Variants in AHCY observed in about 807,000 individuals in gnomAD.
AHCY encodes the protein S-adenosyl-L-homocysteine hydrolase.
Under a neutral mutation model 45.4 loss-of-function variants are expected in AHCY, and 24 were observed. That is an observed-to-expected ratio of 0.53 (90% CI 0.38 to 0.74). The LOEUF (loss-of-function observed/expected upper bound fraction) is 0.74. AHCY is among the 30% of genes least tolerant of loss of function. AHCY has a pLI of 0.00. For missense variants in AHCY, 449 were observed against 594.1 expected (o/e 0.76, Z 2.54); for synonymous variants, 245 against 235.1 (o/e 1.04, Z -0.39).
At chr20:34,250,132 G>T in the AHCY span, 3 of 152,262 alleles carry the variant, frequency 2.0e-5, no homozygotes, top group Admixed American at 1.3e-4. Flanking sequence ...ATTGGTGCTT[G>T]GCAGGGCTGG....
upstream of AHCY, among the ~76,000 whole-genome samples, chr20:34,303,544 G>A (rs62210335): frequency 2.0e-4 from 31 of 152,200 alleles, no homozygotes; most frequent in Admixed American, 2.0e-4. Context: ...GCCGGGAGAG[G>A]CCTGAGAGCC....
intron 2 of AHCY, 117 bp from the exon 3 acceptor site, chr20:34,294,273 A>G: frequency 1.1e-6 from 1 of 908,928 alleles, no homozygotes; most frequent in South Asian, 1.4e-5. Flanking sequence ...ATCTAGGCAC[A>G]GCAAGCTCTA....
rs766568837 is a variant in AHCY at position 34,285,481 on chromosome 20, G to C, written c.1126C>G (p.Pro376Ala). 8.7e-6 allele frequency: 14 copies of C among 1,614,082 alleles called. No homozygotes were observed. The highest frequency in any genetic ancestry group is 1.1e-5 in the Non-Finnish European group (13 of 1,179,944). Residue 376 changes from proline to alanine, a missense_variant, in exon 9 of 10, where the codon CCA (proline) becomes GCA (alanine). Pro to Ala is a conservative substitution (Grantham distance 27, BLOSUM62 -1). Coordinates refer to ENST00000217426, the MANE Select transcript of AHCY (RefSeq NM_000687.4). Reference protein sequence around the residue: ...VMAQIELWTHPDKYPVGVHFL... With the variant: ...VMAQIELWTHADKYPVGVHFL... Reference sequence around the variant, plus strand: ...TGAACCCCAACGGGGTACTTGTCTGGATGGGTCCACAGCTCGATCTGCGCC... The same window carrying C: ...TGAACCCCAACGGGGTACTTGTCTGCATGGGTCCACAGCTCGATCTGCGCC...
At chr20:34,291,631 C>T in intron 4 of AHCY, 100 bp from the exon 5 acceptor site, 2 of 1,116,840 alleles carry the variant, frequency 1.8e-6, no homozygotes, top group Admixed American at 1.9e-5. Flanking sequence ...TTCTGGGTTC[C>T]CATCTCTGTG....
At chr20:34,262,584 C>G in the AHCY span, among the ~76,000 whole-genome samples, 1 of 152,144 alleles carries the variant, frequency 6.6e-6, no homozygotes, top group African/African-American at 2.4e-5. Flanking sequence ...CAGGCAGATC[C>G]CAGTGCCTGC....
Position 34,295,048 on chromosome 20 carries a change from G to T in AHCY, c.219+347C>A, listed in dbSNP as rs1309593316. 2.0e-5 allele frequency among the ~76,000 whole-genome samples: 3 copies of T among 152,208 alleles called. No homozygotes were observed. The South Asian group carries it at 6.2e-4, about 31-fold the overall frequency. On this transcript the variant is annotated intron_variant, in intron 2 of 9. Transcript: ENST00000217426. ...AGAGCTGCCATCATCCAGCAGCCAT[G>T]ATGGGTCCAGGGTAGGCCTGTGACC...
chr20:34,285,978 G>A (rs191445789), intron 8 of AHCY: 5,545 of 331,786 alleles, frequency 0.017, 69 homozygotes, highest in Middle Eastern at 0.039. Flanking sequence ...GGTAGCAGGC[G>A]CCTGTGGTCC....
chr20:34,239,223 C>G, the AHCY span, among the ~76,000 whole-genome samples: 1 of 152,042 alleles, frequency 6.6e-6, no homozygotes. Flanking sequence ...CTCCCAACCC[C>G]ATGTTCAAAT....
chr20:34,247,506 G>A, the AHCY span, among the ~76,000 whole-genome samples: 7 of 151,508 alleles, frequency 4.6e-5, no homozygotes, highest in Non-Finnish European at 7.4e-5. Flanking sequence ...CATCATGTTA[G>A]TCAGGCTGTC....
At chr20:34,263,110 C>T in the AHCY span, among the ~76,000 whole-genome samples, 5 of 152,188 alleles carry the variant, frequency 3.3e-5, no homozygotes, top group Non-Finnish European at 7.3e-5. Context: ...AAATAGGTTA[C>T]GAAAAGCAGC....
At chr20:34,299,570 C>T (rs559842542) in intron 1 of AHCY, among the ~76,000 whole-genome samples, 39 of 152,276 alleles carry the variant, frequency 2.6e-4, no homozygotes, top group African/African-American at 8.9e-4. Flanking sequence ...ATGACTCCCA[C>T]GTATTTATAT....
chr20:34,291,676 G>A (rs569360852), intron 4 of AHCY, 145 bp from the exon 5 acceptor site: 27 of 764,318 alleles, frequency 3.5e-5, no homozygotes, highest in Non-Finnish European at 4.9e-5. Flanking sequence ...ACCCAGACCC[G>A]CGTGAGGGAG....
At chr20:34,307,114 CT>C (rs2036903445), upstream of AHCY, among the ~76,000 whole-genome samples, 1 of 102,114 alleles carries the variant, frequency 9.8e-6, no homozygotes, top group Admixed American at 1.4e-4. Context: ...TTTCTTTTTT[CT>C]TTTTCTTTTT....
chr20:34,258,578 G>T, the AHCY span, among the ~76,000 whole-genome samples: 8 of 141,524 alleles, frequency 5.7e-5, no homozygotes, highest in Non-Finnish European at 6.1e-5. Flanking sequence ...GCCAAGCTTG[G>T]ATGGAATTTA....
chr20:34,258,606 A>T, the AHCY span, among the ~76,000 whole-genome samples: 5 of 134,662 alleles, frequency 3.7e-5, no homozygotes, highest in Non-Finnish European at 6.2e-5. Context: ...CTGTGAGAAA[A>T]TATAAAGCTG....
chr20:34,263,623 G>C, the AHCY span, among the ~76,000 whole-genome samples: 2 of 151,170 alleles, frequency 1.3e-5, no homozygotes, highest in African/African-American at 2.4e-5. Flanking sequence ...ACATGTGTTT[G>C]AACTCATGGG....
intron 9 of AHCY, among the ~76,000 whole-genome samples, chr20:34,283,360 A>G (rs562777133): frequency 1.3e-5 from 2 of 152,214 alleles, no homozygotes; most frequent in African/African-American, 4.8e-5. Flanking sequence ...CTCATCTCTC[A>G]AGGCTGTTAC....
chr20:34,263,312 C>G, the AHCY span, among the ~76,000 whole-genome samples: 2 of 152,196 alleles, frequency 1.3e-5, no homozygotes, highest in Admixed American at 1.3e-4. Flanking sequence ...CGCCTATAAT[C>G]CCAGCACTTT....
At chr20:34,258,683 ATATATATACATAC>A in the AHCY span, among the ~76,000 whole-genome samples, 10 of 71,980 alleles carry the variant, frequency 1.4e-4, 2 homozygotes, top group African/African-American at 8.8e-4. Context: ...CCATATATAT[ATATATATACATAC>A]TATATATATA....
Sources: gnomAD v4.1 joint callset for allele counts (sites outside exome capture counted in the v4.1 genomes callset) on GRCh38, gnomAD v4.1.1 for gene constraint, MANE v1.5 for transcripts, NCBI Gene and HGNC (gene_info 2026-07-23, HGNC 2026-07-21) for gene names.